Variants in SLC41A3 observed in about 807,000 individuals in gnomAD.
SLC41A3 encodes the protein SLC41A1-like 2.
Under a neutral mutation model 45.4 loss-of-function variants are expected in SLC41A3, and 44 were observed. That is an observed-to-expected ratio of 0.97 (90% CI 0.76 to 1.25). The LOEUF is 1.25. Among genes scored for constraint, SLC41A3 ranks in the 50% most tolerant of loss-of-function variants. The pLI, the probability that SLC41A3 is intolerant of heterozygous loss-of-function variation, is 0.00. For missense variants in SLC41A3, 550 were observed against 600.6 expected (o/e 0.92, Z 0.88); for synonymous variants, 256 against 252.4 (o/e 1.01, Z -0.13).
chr3:126,067,891 C>T, intron 2 of SLC41A3, 56 bp downstream of exon 2: 1 of 1,524,080 alleles, frequency 6.6e-7, no homozygotes, highest in Non-Finnish European at 8.8e-7. Context: ...GCTGCCTACT[C>T]TATAGGTGAT....
At chr3:126,087,867 T>A (rs1182010058), upstream of SLC41A3, among the ~76,000 whole-genome samples, 2 of 152,052 alleles carry the variant, frequency 1.3e-5, no homozygotes, top group Non-Finnish European at 2.9e-5. Flanking sequence ...TAGAGATGGG[T>A]CTTTGATATT....
intron 4 of SLC41A3, among the ~76,000 whole-genome samples, chr3:126,028,964 T>G (rs1442528812): frequency 6.6e-6 from 1 of 152,238 alleles, no homozygotes; most frequent in Non-Finnish European, 1.5e-5. Context: ...AATGGGAGTA[T>G]TTACCCAATA....
intron 3 of SLC41A3, among the ~76,000 whole-genome samples, chr3:126,050,440 C>T (rs982906282): frequency 6.6e-6 from 1 of 152,168 alleles, no homozygotes; most frequent in Non-Finnish European, 1.5e-5. Context: ...AAGCTAGGAA[C>T]TGTGTTGGTT....
Position 126,013,428 on chromosome 3 carries a change from T to C in SLC41A3, c.971-679A>G, listed in dbSNP as rs1189074649. Among the ~76,000 whole-genome samples the C allele has an allele frequency of 6.6e-5, 10 of 152,062 alleles. No homozygotes were observed. The East Asian group carries it at 1.9e-3, about 29-fold the overall frequency. On this transcript the variant is annotated intron_variant, in intron 8 of 10. Coordinates refer to ENST00000360370, the MANE Select transcript of SLC41A3 (RefSeq NM_017836.4). Reference sequence around the variant, plus strand: ...TACAAAAAAAATTAGCTGGGCATGGTGGTGCACACCTGTAATCCCAGCTAC... The same window carrying C: ...TACAAAAAAAATTAGCTGGGCATGGCGGTGCACACCTGTAATCCCAGCTAC...
At chr3:126,025,968 A>G (rs985445184) in intron 5 of SLC41A3, among the ~76,000 whole-genome samples, 1 of 152,214 alleles carries the variant, frequency 6.6e-6, no homozygotes, top group Non-Finnish European at 1.5e-5. Context: ...GTCATGCTCA[A>G]TAAGTGTTTA....
At chr3:126,051,582 A>G (rs538906338) in intron 2 of SLC41A3, among the ~76,000 whole-genome samples, 1 of 152,370 alleles carries the variant, frequency 6.6e-6, no homozygotes, top group South Asian at 2.1e-4. Context: ...ATATGCCTCT[A>G]TCCCATTAAA....
At chr3:126,077,214 TCAAAAAATA>T (rs1329002174) in intron 1 of SLC41A3, among the ~76,000 whole-genome samples, 1 of 151,686 alleles carries the variant, frequency 6.6e-6, no homozygotes, top group Non-Finnish European at 1.5e-5. Flanking sequence ...CTCATCTCTA[TCAAAAAATA>T]CAAAAAATTA....
intron 6 of SLC41A3, among the ~76,000 whole-genome samples, chr3:126,019,202 CTCTT>C (rs1171817845): frequency 6.6e-6 from 1 of 152,148 alleles, no homozygotes; most frequent in Non-Finnish European, 1.5e-5. Context: ...GCTCAGGTCT[CTCTT>C]CCTCTTTTTT....
chr3:126,073,513 T>C (rs1328801697), intron 1 of SLC41A3, among the ~76,000 whole-genome samples: 1 of 151,990 alleles, frequency 6.6e-6, no homozygotes, highest in African/African-American at 2.4e-5. Context: ...GGTGACAAAA[T>C]CATCTGTACA....
intron 8 of SLC41A3, among the ~76,000 whole-genome samples, chr3:126,014,755 T>G (rs1185344484): frequency 6.6e-6 from 1 of 152,240 alleles, no homozygotes; most frequent in African/African-American, 2.4e-5. Context: ...GGCCAGGGCC[T>G]GGGGGCTAAA....
chr3:126,036,013 A>G (rs937226037), intron 3 of SLC41A3, among the ~76,000 whole-genome samples: 2 of 152,168 alleles, frequency 1.3e-5, no homozygotes, highest in African/African-American at 4.8e-5. Flanking sequence ...AGCAACCCAG[A>G]TTTTCCTCAA....
At chr3:126,014,060 C>T (rs1278372756) in intron 8 of SLC41A3, among the ~76,000 whole-genome samples, 1 of 152,028 alleles carries the variant, frequency 6.6e-6, no homozygotes, top group Non-Finnish European at 1.5e-5. Flanking sequence ...GGGGCAGATG[C>T]GGGGGCGGGC....
chr3:126,045,826 C>G (rs1942923050), intron 3 of SLC41A3, among the ~76,000 whole-genome samples: 1 of 151,962 alleles, frequency 6.6e-6, no homozygotes, highest in Non-Finnish European at 1.5e-5. Context: ...AACTACAGAC[C>G]AATATCTGCT....
intron 6 of SLC41A3, among the ~76,000 whole-genome samples, chr3:126,020,153 C>T (rs1940705053): frequency 6.6e-6 from 1 of 152,054 alleles, no homozygotes; most frequent in Non-Finnish European, 1.5e-5. Context: ...ATGAGCTGCA[C>T]CCGAGCCGTG....
intron 1 of SLC41A3, among the ~76,000 whole-genome samples, chr3:126,082,608 G>A (rs1945214965): frequency 6.6e-6 from 1 of 152,152 alleles, no homozygotes; most frequent in South Asian, 2.1e-4. Flanking sequence ...ATGGGGTTGG[G>A]GGGTATCCGC....
intron 1 of SLC41A3, among the ~76,000 whole-genome samples, chr3:126,073,642 A>C (rs1944736422): frequency 1.3e-5 from 2 of 152,206 alleles, no homozygotes; most frequent in Admixed American, 1.3e-4. Flanking sequence ...ACAAATTCCT[A>C]GAAACACAAA....
At position 126,007,096 on chromosome 3, in the gene SLC41A3, G is replaced by C; in HGVS notation, c.1384C>G (p.Leu462Val). The C allele has an allele frequency of 6.2e-7, 1 of 1,614,222 alleles. No individual in the cohort carries two copies. Among genetic ancestry groups the C allele is most frequent in the Non-Finnish European group, 8.5e-7 (1 of 1,180,040 alleles). The change falls in exon 11 of 11, where the codon CTC (leucine) becomes GTC (valine). Residue 462 changes from leucine to valine, a missense_variant. Transcript: ENST00000360370. The stretch of plus-strand genomic sequence containing the variant: ...AGTAGCCAGTCAGTGAAAAAGCAGA[G>C]TGCCAGGAGGCCAGTACCGAGCAGG... ...GDLLGTGLLA[L>V]CFFTDWLLKS...
intron 1 of SLC41A3, among the ~76,000 whole-genome samples, chr3:126,100,166 C>A (rs1472450586): frequency 3.3e-5 from 5 of 151,476 alleles, no homozygotes; most frequent in Non-Finnish European, 5.9e-5. Context: ...TCCCCAAAGA[C>A]AGGTCTCCAC....
At chr3:126,056,502 C>T (rs1166025160) in intron 2 of SLC41A3, 1 of 1,614,166 alleles carries the variant, frequency 6.2e-7, no homozygotes, top group Non-Finnish European at 8.5e-7. Flanking sequence ...TGAAGCCTCG[C>T]AGCTTCTTGC....
Sources: gnomAD v4.1 joint callset for allele counts (sites outside exome capture counted in the v4.1 genomes callset) on GRCh38, gnomAD v4.1.1 for gene constraint, MANE v1.5 for transcripts, NCBI Gene and HGNC (gene_info 2026-07-23, HGNC 2026-07-21) for gene names.